ANO3: variants seen among roughly 807,000 people sequenced by gnomAD.
ANO3 encodes the protein anoctamin-3.
Under a neutral mutation model 144.8 loss-of-function variants are expected in ANO3, and 99 were observed. The observed-to-expected ratio is 0.68, with a 90% confidence interval of 0.58 to 0.81. The LOEUF is 0.81. ANO3 is among the 30% of genes least tolerant of loss of function. The pLI, the probability that ANO3 is intolerant of heterozygous loss-of-function variation, is 0.00. For synonymous variants in ANO3, 414 were observed against 392.6 expected (o/e 1.05, Z -0.64); for missense variants, 905 against 1,202.2 (o/e 0.75, Z 3.66).
chr11:26,657,224 G>A (rs1853716785), intron 26 of ANO3, among the ~76,000 whole-genome samples: 1 of 152,022 alleles, frequency 6.6e-6, no homozygotes, highest in African/African-American at 2.4e-5. Flanking sequence ...ATTTTTAAAG[G>A]TAATACACCT....
chr11:26,470,232 A>T (rs1036949585), intron 4 of ANO3, among the ~76,000 whole-genome samples: 6 of 151,798 alleles, frequency 4.0e-5, no homozygotes, highest in Non-Finnish European at 7.4e-5. Context: ...ATACACAGTG[A>T]AACCCTGTTT....
rs2133112859 is a variant in ANO3 at position 26,663,188 on chromosome 11, T to G, written c.*2744T>G. ...TGACTGCATGATGAGATACAACTTC[T>G]GAATGCTGCACATTCTTCCAAAATG... On this transcript the variant is annotated 3_prime_UTR_variant, in exon 27 of 27. Coordinates refer to ENST00000256737, the MANE Select transcript of ANO3 (RefSeq NM_031418.4). The G allele has an allele frequency of 6.6e-6, 1 of 152,190 alleles. No individual in the cohort carries two copies. The highest frequency in any genetic ancestry group is 2.1e-4 in the South Asian group (1 of 4,830). 9.4% of individuals were successfully genotyped at this position (152,190 alleles called of 1,614,324 possible).
chr11:26,433,135 TA>T (rs1423681993), intron 1 of ANO3, among the ~76,000 whole-genome samples: 1 of 152,198 alleles, frequency 6.6e-6, no homozygotes, highest in Non-Finnish European at 1.5e-5. Context: ...GCTGTATTCC[TA>T]GGTATTTTTT....
intron 1 of ANO3, among the ~76,000 whole-genome samples, chr11:26,387,610 G>A (rs1173849153): frequency 4.6e-5 from 7 of 151,940 alleles, no homozygotes; most frequent in Non-Finnish European, 7.4e-5. Flanking sequence ...TGTCCTGTAT[G>A]TTATTTTTCC....
At chr11:26,582,288 C>T (rs1467511518) in intron 14 of ANO3, among the ~76,000 whole-genome samples, 4 of 152,154 alleles carry the variant, frequency 2.6e-5, no homozygotes, top group Admixed American at 6.5e-5. Context: ...TGTTTACTTA[C>T]GGTGACAAGT....
At chr11:26,313,346 G>C (rs1471867206) in intron 1 of ANO3, among the ~76,000 whole-genome samples, 1 of 152,084 alleles carries the variant, frequency 6.6e-6, no homozygotes, top group Non-Finnish European at 1.5e-5. Flanking sequence ...TATTAAATTA[G>C]GTGCAGTAAC....
At chr11:26,279,772 G>A (rs59224544) in intron 1 of ANO3, among the ~76,000 whole-genome samples, 5,306 of 152,128 alleles carry the variant, frequency 0.035, 182 homozygotes, top group African/African-American at 0.09. Flanking sequence ...GTGTCCATCC[G>A]GCAACTTCAA....
chr11:26,236,412 G>T (rs1459185536), intron 1 of ANO3, among the ~76,000 whole-genome samples: 1 of 134,090 alleles, frequency 7.5e-6, no homozygotes. Context: ...TGTTTTGTTT[G>T]CTTTTTTGGC....
intron 1 of ANO3, among the ~76,000 whole-genome samples, chr11:26,276,402 C>CATTTGTATAGGCAAATTTGAT (rs1238372817): frequency 6.0e-4 from 92 of 152,200 alleles, no homozygotes; most frequent in African/African-American, 2.2e-3. Context: ...ACTCTGGCTT[C>CATTTGTATAGGCAAATTTGAT]ATTTGTATAG....
intron 1 of ANO3, among the ~76,000 whole-genome samples, chr11:26,304,141 C>A (rs1446578713): frequency 6.6e-6 from 1 of 152,058 alleles, no homozygotes; most frequent in Non-Finnish European, 1.5e-5. Flanking sequence ...TCGATTACTA[C>A]TAAGGATTAA....
Position 26,581,487 on chromosome 11 carries a change from G to A in ANO3, c.1448-16878G>A, listed in dbSNP as rs540602851. On this transcript the variant is annotated intron_variant, in intron 14 of 26. Transcript: ENST00000256737. ...GTGGATCACCTGAGGTCAGGAGTTC[G>A]AGACCACCCTGGTCAACATGGTGAA... Among the ~76,000 whole-genome samples, 8 of 151,786 alleles carry A rather than the reference G, an allele frequency of 5.3e-5. No individual in the cohort carries two copies. The East Asian group carries it at 1.2e-3, about 22-fold the overall frequency.
chr11:26,309,787 C>A, intron 1 of ANO3: 1 of 795,264 alleles, frequency 1.3e-6, no homozygotes, highest in Non-Finnish European at 1.5e-6. Context: ...GTGGTAGCAA[C>A]TCCAGAGTCT....
At chr11:26,342,439 C>T (rs1160508801) in intron 1 of ANO3, among the ~76,000 whole-genome samples, 3 of 151,978 alleles carry the variant, frequency 2.0e-5, no homozygotes, top group African/African-American at 7.2e-5. Flanking sequence ...TTTTGTTTTG[C>T]TCATCTGCCC....
At chr11:26,481,851 T>C (rs1860229995) in intron 4 of ANO3, among the ~76,000 whole-genome samples, 1 of 152,142 alleles carries the variant, frequency 6.6e-6, no homozygotes, top group Non-Finnish European at 1.5e-5. Context: ...CTATTTCATA[T>C]GTGCTCAATT....
intron 1 of ANO3, among the ~76,000 whole-genome samples, chr11:26,303,444 A>G (rs1019937591): frequency 1.4e-4 from 22 of 152,214 alleles, no homozygotes; most frequent in Admixed American, 1.4e-3. Flanking sequence ...TAATGCAGGA[A>G]CAGAAAACCA....
At chr11:26,344,715 C>T (rs1237318502) in intron 1 of ANO3, among the ~76,000 whole-genome samples, 4 of 152,158 alleles carry the variant, frequency 2.6e-5, no homozygotes, top group South Asian at 4.2e-4. Flanking sequence ...TCCTTTGGGC[C>T]ACTAATATTT....
chr11:26,598,465 A>G lies in ANO3; in HGVS notation c.1530+18A>G, dbSNP rs766693927. 3.9e-6 allele frequency: 6 copies of G among 1,537,022 alleles called. No homozygotes were observed. The highest frequency in any genetic ancestry group is 4.4e-6 in the Non-Finnish European group (5 of 1,127,664). ...AAGAGGAGGTAAGATGTTAGGATAC[A>G]AGGAAATAGGGAAACTGGGCTATTA... On this transcript the variant is annotated intron_variant, in intron 15 of 26. Coordinates refer to ENST00000256737, the MANE Select transcript of ANO3 (RefSeq NM_031418.4).
At chr11:26,349,642 G>A (rs1431009828) in intron 1 of ANO3, among the ~76,000 whole-genome samples, 3 of 151,958 alleles carry the variant, frequency 2.0e-5, no homozygotes, top group Middle Eastern at 3.2e-3. Context: ...TCCGCCTCCC[G>A]GGTTCACGCC....
At chr11:26,474,583 A>G (rs1415609166) in intron 4 of ANO3, among the ~76,000 whole-genome samples, 1 of 151,926 alleles carries the variant, frequency 6.6e-6, no homozygotes, top group Non-Finnish European at 1.5e-5. Flanking sequence ...GTTAAAATAA[A>G]TAAATCACAT....
Sources: allele counts gnomAD v4.1 joint callset (sites outside exome capture counted in the v4.1 genomes callset), GRCh38; gene constraint gnomAD v4.1.1; transcripts MANE v1.5; gene names NCBI Gene and HGNC (gene_info 2026-07-23, HGNC 2026-07-21).